Variants in PAQR5 observed in about 807,000 individuals in gnomAD.
PAQR5 encodes membrane progestin receptor gamma.
In PAQR5, 20 loss-of-function variants were observed where a neutral mutation model predicts 34.5. The observed-to-expected ratio is 0.58, with a 90% CI of 0.41 to 0.84. PAQR5 has a LOEUF of 0.84. Ranked by LOEUF, PAQR5 falls within the 40% of genes least tolerant of loss-of-function variation. PAQR5 has a pLI of 0.00. For missense variants in PAQR5, 378 were observed against 412.7 expected, an observed-to-expected ratio of 0.92 and a Z score of 0.73; for synonymous variants, 131 against 155.6, an observed-to-expected ratio of 0.84 and a Z score of 1.18.
At chr15:69,361,704 C>T (rs370285516) in intron 3 of PAQR5, among the ~76,000 whole-genome samples, 2 of 152,200 alleles carry the variant, frequency 1.3e-5, no homozygotes, top group African/African-American at 2.4e-5. Context: ...TGGGGGACAA[C>T]ACCCCCATGA....
rs1393011369 is a variant in PAQR5 at position 69,406,102 on chromosome 15, C to A, written c.*2280C>A. The A allele has an allele frequency of 6.6e-6, 1 of 152,194 alleles. No individual in the cohort carries two copies. The highest frequency in any genetic ancestry group is 1.9e-4 in the East Asian group (1 of 5,200). 9.4% of individuals were successfully genotyped at this position (152,194 alleles called of 1,614,324 possible). On this transcript the variant is annotated 3_prime_UTR_variant, in exon 9 of 9. Coordinates refer to ENST00000395407, the MANE Select transcript of PAQR5 (RefSeq NM_017705.4). ...GGCAGGGGGTCAGCTGAAGACCTCA[C>A]TGGAGTGGGTCTTAATTTTTAAAAA...
intron 1 of PAQR5, among the ~76,000 whole-genome samples, chr15:69,299,357 C>T (rs571946650): frequency 6.6e-6 from 1 of 152,320 alleles, no homozygotes; most frequent in Non-Finnish European, 1.5e-5. Flanking sequence ...CGCACCTTTT[C>T]TCTCACTCTC....
rs563128148 is a variant in PAQR5 at position 69,389,809 on chromosome 15, G to A, written c.512+29G>A. 13 of 1,612,128 alleles carry A rather than the reference G, an allele frequency of 8.1e-6. No homozygotes were observed. In the African/African-American group the frequency reaches 1.1e-4, roughly 13 times the overall value. On this transcript the variant is annotated intron_variant, in intron 6 of 8. Transcript: ENST00000395407. ...CTGGTCGCTCTGACCTCAGATGGGA[G>A]GGGAGGGAGGGTCTTGCATGCAGCT...
At chr15:69,346,296 A>ATTTTTTTTTTTTTTTTTTTTTTTTTTTTT (rs1567011803) in intron 2 of PAQR5, among the ~76,000 whole-genome samples, 1 of 42,276 alleles carries the variant, frequency 2.4e-5, no homozygotes, top group African/African-American at 6.9e-5. Flanking sequence ...GATATTTTGT[A>ATTTTTTTTTTTTTTTTTTTTTTTTTTTTT]ATTTTTTTTT....
At chr15:69,304,652 A>G (rs142385560) in intron 1 of PAQR5, among the ~76,000 whole-genome samples, 6 of 152,202 alleles carry the variant, frequency 3.9e-5, no homozygotes, top group African/African-American at 1.4e-4. Context: ...CTCAGCCAGG[A>G]CCACCCCCAG....
At chr15:69,393,999 A>T (rs1422237423) in intron 6 of PAQR5, among the ~76,000 whole-genome samples, 1 of 152,172 alleles carries the variant, frequency 6.6e-6, no homozygotes, top group Admixed American at 6.5e-5. Context: ...TCATGCCTGC[A>T]CAGGAAACGG....
At chr15:69,322,484 A>G (rs1461929455) in intron 1 of PAQR5, among the ~76,000 whole-genome samples, 1 of 147,548 alleles carries the variant, frequency 6.8e-6, no homozygotes, top group Non-Finnish European at 1.5e-5. Context: ...AACCAAAAAT[A>G]AAAAACAAGA....
At chr15:69,352,010 C>G (rs1173490395) in intron 2 of PAQR5, among the ~76,000 whole-genome samples, 1 of 152,168 alleles carries the variant, frequency 6.6e-6, no homozygotes, top group Non-Finnish European at 1.5e-5. Context: ...GATCCTAGAA[C>G]AGGAGAAGGC....
intron 1 of PAQR5, among the ~76,000 whole-genome samples, chr15:69,304,340 G>A (rs2053668831): frequency 6.6e-6 from 1 of 152,200 alleles, no homozygotes; most frequent in Admixed American, 6.5e-5. Context: ...AACATGACGT[G>A]AGTCAGTTGT....
At chr15:69,383,115 C>T (rs1479882419) in intron 4 of PAQR5, 2 of 152,276 alleles carry the variant, frequency 1.3e-5, no homozygotes, top group Non-Finnish European at 2.9e-5. Context: ...AAAGGACCCC[C>T]CACCTTCCTA....
In PAQR5 at chr15:69,360,078, A is replaced by T; in HGVS notation, c.-3A>T. The T allele has an allele frequency of 6.2e-7, 1 of 1,613,592 alleles. No homozygotes were observed. The highest frequency in any genetic ancestry group is 8.5e-7 in the Non-Finnish European group (1 of 1,179,544). On this transcript the variant is annotated 5_prime_UTR_variant, in exon 3 of 9. Transcript: ENST00000395407. Reference sequence around the variant, plus strand: ...CTACTGGCCTTGCCAATCCAGCTCCAAGATGCTGAGCCTGAAGCTCCCCAG... The same window carrying T: ...CTACTGGCCTTGCCAATCCAGCTCCTAGATGCTGAGCCTGAAGCTCCCCAG...
In PAQR5 at chr15:69,363,178, T is replaced by C. The variant is rs1040338901; in HGVS notation, c.51+3047T>C. Among the ~76,000 whole-genome samples the C allele has an allele frequency of 2.0e-5, 3 of 152,228 alleles. No homozygotes were observed. In the East Asian group the frequency reaches 5.8e-4, roughly 29 times the overall value. On this transcript the variant is annotated intron_variant, in intron 3 of 8. Coordinates refer to ENST00000395407, the MANE Select transcript of PAQR5 (RefSeq NM_017705.4). ...CCTCAGCCATCTATAGGGAATGGTG[T>C]GCCCACCTCTCTGCATCATCAGAGT...
Position 69,305,282 on chromosome 15 carries a change from C to T in PAQR5, c.-277+6226C>T, listed in dbSNP as rs557106648. On this transcript the variant is annotated intron_variant, in intron 1 of 8. Transcript: ENST00000395407. ...GGGGACACTCCATCTCTGGTTGAGA[C>T]CCCTGGGATCAATGATCTATGAAGA... Among the ~76,000 whole-genome samples the T allele has an allele frequency of 7.9e-5, 12 of 152,268 alleles. No individual in the cohort carries two copies. In the South Asian group the frequency reaches 2.3e-3, roughly 29 times the overall value.
chr15:69,345,508 C>T (rs1221427037), intron 2 of PAQR5, among the ~76,000 whole-genome samples: 2 of 152,122 alleles, frequency 1.3e-5, no homozygotes, highest in African/African-American at 4.8e-5. Flanking sequence ...ATGAGATAGC[C>T]AAGTGCAAAT....
In PAQR5 at chr15:69,340,875, C is replaced by T. The variant is rs144745850; in HGVS notation, c.-116+3374C>T. 3.5e-4 allele frequency among the ~76,000 whole-genome samples: 54 copies of T among 152,252 alleles called. 1 individual carries two copies. The East Asian group carries it at 9.7e-3, about 27-fold the overall frequency. Reference sequence around the variant, plus strand: ...TAGTGGGGGAGGCAGTTTGCAGCAACAGGATGTGTATAATATGTATTTTTT... The same window carrying T: ...TAGTGGGGGAGGCAGTTTGCAGCAATAGGATGTGTATAATATGTATTTTTT... On this transcript the variant is annotated intron_variant, in intron 2 of 8. Coordinates refer to ENST00000395407, the MANE Select transcript of PAQR5 (RefSeq NM_017705.4).
intron 1 of PAQR5, among the ~76,000 whole-genome samples, chr15:69,312,499 A>G (rs191193218): frequency 2.0e-5 from 3 of 151,680 alleles, no homozygotes; most frequent in Admixed American, 2.0e-4. Flanking sequence ...TTGCCCTTCA[A>G]CCCTGGCAAA....
In PAQR5 at chr15:69,300,931, C is replaced by CTT. The variant is rs55959853; in HGVS notation, c.-277+1876_-277+1877insTT. On this transcript the variant is annotated intron_variant, in intron 1 of 8. Transcript: ENST00000395407. ...TTCCTTCCTTTCTCTCTCTCTCTCT[C>CTT]TCTCTCTCTTTCTTTCCTTCTTTCT... Among the ~76,000 whole-genome samples the CTT allele has an allele frequency of 6.5e-4, 26 of 40,224 alleles. 2 individuals are homozygous for CTT. Among genetic ancestry groups the CTT allele is most frequent in the Non-Finnish European group, 1.2e-3 (20 of 16,656 alleles). 26.4% of individuals were successfully genotyped at this position (40,224 alleles called of 152,430 possible). A position where few individuals can be genotyped will look rare whatever the true frequency, so the allele number is the denominator to read the frequency against.
intron 3 of PAQR5, among the ~76,000 whole-genome samples, chr15:69,371,099 G>A (rs1163135584): frequency 1.3e-5 from 2 of 151,876 alleles, no homozygotes; most frequent in Non-Finnish European, 2.9e-5. Context: ...GTGGTCTATT[G>A]ACAATGATGT....
At chr15:69,382,532 C>T (rs2055915525) in intron 4 of PAQR5, among the ~76,000 whole-genome samples, 1 of 150,440 alleles carries the variant, frequency 6.6e-6, no homozygotes. Flanking sequence ...GTAGTCCCAG[C>T]TACTTGGGAG....
Sources: allele counts gnomAD v4.1 joint callset (sites outside exome capture counted in the v4.1 genomes callset), GRCh38; gene constraint gnomAD v4.1.1; transcripts MANE v1.5; gene names NCBI Gene and HGNC (gene_info 2026-07-23, HGNC 2026-07-21).